Variants in BCAR3 observed in about 807,000 individuals in gnomAD.
The protein encoded by BCAR3 is BCAR3 adaptor protein, NSP family member.
BCAR3 carries 37 observed loss-of-function variants against 80.1 expected under a neutral mutation model. The observed-to-expected ratio is 0.46, with a 90% CI of 0.36 to 0.61. The LOEUF (loss-of-function observed/expected upper bound fraction) is 0.61. Ranked by LOEUF, BCAR3 falls within the 20% of genes least tolerant of loss-of-function variation. BCAR3 has a pLI of 0.00. For synonymous variants in BCAR3, 389 were observed against 418.9 expected (o/e 0.93, Z 0.87); for missense variants, 978 against 1,068.2 (o/e 0.92, Z 1.18).
intron 3 of BCAR3, among the ~76,000 whole-genome samples, chr1:93,606,258 G>A (rs563552321): frequency 6.6e-6 from 1 of 152,252 alleles, no homozygotes; most frequent in Admixed American, 6.5e-5. Flanking sequence ...GAGAAACAGA[G>A]AACCAGAAAC....
intron 3 of BCAR3, among the ~76,000 whole-genome samples, chr1:93,695,942 C>T (rs1457039632): frequency 6.6e-6 from 1 of 152,216 alleles, no homozygotes; most frequent in Non-Finnish European, 1.5e-5. Flanking sequence ...CTTTCCCCAA[C>T]CACCTTGAAA....
intron 3 of BCAR3, among the ~76,000 whole-genome samples, chr1:93,624,173 T>C (rs1675392134): frequency 6.6e-6 from 1 of 152,198 alleles, no homozygotes; most frequent in Admixed American, 6.5e-5. Flanking sequence ...CAGCCCTGCT[T>C]ATGTGGCATC....
In BCAR3 at chr1:93,825,056, C is replaced by T. The variant is rs1654332877; in HGVS notation, c.-63+20511G>A. Among the ~76,000 whole-genome samples, 4 of 134,014 alleles carry T rather than the reference C, an allele frequency of 3.0e-5. 1 individual carries two copies. The highest frequency in any genetic ancestry group is 2.3e-4 in the Admixed American group (3 of 12,912). 87.9% of individuals were successfully genotyped at this position (134,014 alleles called of 152,430 possible). A position where few individuals can be genotyped will look rare whatever the true frequency, so the allele number is the denominator to read the frequency against. ...AAAACTCACGAGTGCGTACAGAGAC[C>T]CCCTCAGTGGGTTTAGTCAGCTCTA... On this transcript the variant is annotated intron_variant, in intron 2 of 13. Coordinates refer to the BCAR3 transcript ENST00000370244.
intron 2 of BCAR3, among the ~76,000 whole-genome samples, chr1:93,763,459 T>C (rs1652029270): frequency 6.6e-6 from 1 of 152,184 alleles, no homozygotes; most frequent in Admixed American, 6.5e-5. Flanking sequence ...CCTCATGAAG[T>C]AGGCATTATT....
At chr1:93,757,514 T>A (rs894358247) in intron 2 of BCAR3, among the ~76,000 whole-genome samples, 1 of 152,178 alleles carries the variant, frequency 6.6e-6, no homozygotes, top group Admixed American at 6.5e-5. Context: ...ATGTGTTGGG[T>A]TAACTGTTGT....
intron 2 of BCAR3, among the ~76,000 whole-genome samples, chr1:93,649,701 C>G (rs1303680755): frequency 2.6e-5 from 4 of 151,940 alleles, no homozygotes; most frequent in African/African-American, 4.8e-5. Context: ...GACTATATTG[C>G]CTTTTGTGAT....
At chr1:93,675,694 GAAAAA>G (rs948048265) in intron 1 of BCAR3, among the ~76,000 whole-genome samples, 39 of 151,164 alleles carry the variant, frequency 2.6e-4, no homozygotes, top group African/African-American at 9.2e-4. Flanking sequence ...AAGAAGAAAA[GAAAAA>G]AAATGGTGGG....
chr1:93,846,744 CGGGCGCGCGGGCTCG>C (rs1178465155), intron 1 of BCAR3: 7 of 396,890 alleles, frequency 1.8e-5, no homozygotes, highest in Admixed American at 3.5e-5. Flanking sequence ...TCGCGGGCCC[CGGGCGCGCGGGCTCG>C]GGGCAGCTGC....
Position 93,582,657 on chromosome 1 carries a change from C to A in BCAR3, c.1330G>T (p.Ala444Ser), listed in dbSNP as rs767507738. ...CCCTGGGCACATGAGGGTAGCTTTG[C>A]TCCCCTGCCGCAGCCTGTGGCAAAC... ...PAFATGCGRG[A>S]KLPSCAQGSH... The change falls in exon 7 of 12, where the codon GCA becomes TCA. Residue 444 changes from alanine (A) to serine (S), a missense_variant. Transcript: ENST00000260502. 2 of 1,613,964 alleles carry A rather than the reference C, an allele frequency of 1.2e-6. No homozygotes were observed. Among genetic ancestry groups the A allele is most frequent in the Admixed American group, 1.7e-5 (1 of 59,996 alleles).
At chr1:93,743,587 T>C (rs12405984) in intron 2 of BCAR3, among the ~76,000 whole-genome samples, 17,860 of 152,246 alleles carry the variant, frequency 0.12, 1,471 homozygotes, top group African/African-American at 0.22. Context: ...AGCGCTGATA[T>C]GGTTTTTCCT....
intron 6 of BCAR3, among the ~76,000 whole-genome samples, chr1:93,583,501 C>T (rs1673812353): frequency 6.6e-6 from 1 of 152,062 alleles, no homozygotes; most frequent in Non-Finnish European, 1.5e-5. Context: ...AAAACAACCC[C>T]CTGTCTTACT....
At chr1:93,700,374 T>G (rs1379856962) in intron 3 of BCAR3, among the ~76,000 whole-genome samples, 1 of 152,084 alleles carries the variant, frequency 6.6e-6, no homozygotes, top group Admixed American at 6.6e-5. Context: ...TATAATTTTG[T>G]AGAGATAGTC....
At chr1:93,668,323 A>G (rs1175394295) in intron 2 of BCAR3, among the ~76,000 whole-genome samples, 1 of 152,116 alleles carries the variant, frequency 6.6e-6, no homozygotes, top group Non-Finnish European at 1.5e-5. Context: ...TCAGTAGAGG[A>G]TTTAGGACAA....
chr1:93,738,190 G>A (rs1651048573), intron 2 of BCAR3, among the ~76,000 whole-genome samples: 1 of 152,116 alleles, frequency 6.6e-6, no homozygotes, highest in South Asian at 2.1e-4. Flanking sequence ...TCTACCAATA[G>A]TAAGGTGGTG....
chr1:93,677,378 A>G (rs1489871145), intron 1 of BCAR3, among the ~76,000 whole-genome samples: 1 of 152,208 alleles, frequency 6.6e-6, no homozygotes, highest in East Asian at 1.9e-4. Context: ...AACTTAGGTT[A>G]GCATCAGACC....
intron 2 of BCAR3, among the ~76,000 whole-genome samples, chr1:93,832,807 G>A (rs190130868): frequency 6.1e-4 from 93 of 152,160 alleles, no homozygotes; most frequent in East Asian, 7.7e-4. Context: ...TGCCCAGCTC[G>A]CTTATTAGGT....
At chr1:93,770,572 A>G (rs1571114183) in intron 2 of BCAR3, among the ~76,000 whole-genome samples, 1 of 152,248 alleles carries the variant, frequency 6.6e-6, no homozygotes, top group African/African-American at 2.4e-5. Context: ...AGGAGTTTAT[A>G]TATATAGGAT....
At chr1:93,584,250 T>TACCCTA (rs1673851030) in intron 5 of BCAR3, 129 bp from the exon 6 acceptor site, 1 of 745,058 alleles carries the variant, frequency 1.3e-6, no homozygotes, top group East Asian at 2.7e-5. Flanking sequence ...TGCTACAGCA[T>TACCCTA]ACCCTAAAAG....
In BCAR3 at chr1:93,825,382, C is replaced by G; in HGVS notation, c.-63+20185G>C. Among the ~76,000 whole-genome samples the G allele has an allele frequency of 1.5e-5, 2 of 133,510 alleles. 1 individual carries two copies. Among genetic ancestry groups the G allele is most frequent in the Non-Finnish European group, 3.4e-5 (2 of 59,310 alleles). The allele number at this position is 133,510 out of a possible 152,430, so 87.6% of individuals were successfully genotyped here. A position where few individuals can be genotyped will look rare whatever the true frequency, so the allele number is the denominator to read the frequency against. On this transcript the variant is annotated intron_variant, in intron 2 of 13. Transcript: ENST00000370244. ...CTTTTAGGAGCTGTATAGCAGCAGC[C>G]TCCCTTGGCATATTCTCCCTCTTAC...
Sources: gnomAD v4.1 joint callset for allele counts (sites outside exome capture counted in the v4.1 genomes callset) on GRCh38, gnomAD v4.1.1 for gene constraint, MANE v1.5 for transcripts, NCBI Gene and HGNC (gene_info 2026-07-23, HGNC 2026-07-21) for gene names.